Variants in EYS observed in about 807,000 individuals in gnomAD.
The protein encoded by EYS is EGF-like photoreceptor maintenance factor, also known as protein eyes shut homolog.
EYS carries 250 observed loss-of-function variants against 282.1 expected under a neutral mutation model. That is an observed-to-expected ratio of 0.89 (90% CI 0.80 to 0.98). The LOEUF (loss-of-function observed/expected upper bound fraction) is 0.98, where lower values mean the gene tolerates loss of function less well. EYS is among the 50% of genes least tolerant of loss of function. The pLI is 0.00. For synonymous variants in EYS, 1,355 were observed against 1,282.9 expected (o/e 1.06, Z -1.20); for missense variants, 4,016 against 3,709.0 (o/e 1.08, Z -2.15).
chr6:64,905,056 A>C (rs1232899181), intron 16 of EYS, among the ~76,000 whole-genome samples: 1 of 152,206 alleles, frequency 6.6e-6, no homozygotes, highest in African/African-American at 2.4e-5. Flanking sequence ...CATTTTGGTC[A>C]ATGACAGACC....
chr6:65,224,836 A>G (rs1384697307), intron 12 of EYS, among the ~76,000 whole-genome samples: 1 of 152,152 alleles, frequency 6.6e-6, no homozygotes, highest in East Asian at 1.9e-4. Flanking sequence ...AAATTCTTGA[A>G]AAAATACAAA....
intron 18 of EYS, among the ~76,000 whole-genome samples, chr6:64,894,346 A>G (rs965659856): frequency 6.6e-6 from 1 of 152,134 alleles, no homozygotes; most frequent in African/African-American, 2.4e-5. Flanking sequence ...TAGATGCAAA[A>G]TGAGCAAATA....
intron 14 of EYS, among the ~76,000 whole-genome samples, chr6:64,972,785 G>C (rs924293039): frequency 2.6e-5 from 4 of 151,934 alleles, no homozygotes; most frequent in African/African-American, 9.7e-5. Flanking sequence ...ACTATTTCAG[G>C]GGTTGGTGCC....
intron 41 of EYS, among the ~76,000 whole-genome samples, chr6:63,728,113 CAT>C (rs1296249300): frequency 1.3e-5 from 2 of 151,980 alleles, no homozygotes; most frequent in Admixed American, 6.6e-5. Context: ...TAAATTAATA[CAT>C]GTTTATTATA....
At chr6:64,094,275 AAGTTAAGGAGGAT>A (rs1351929342) in intron 31 of EYS, among the ~76,000 whole-genome samples, 1 of 151,634 alleles carries the variant, frequency 6.6e-6, no homozygotes, top group Non-Finnish European at 1.5e-5. Flanking sequence ...CTTATAAAAC[AAGTTAAGGAGGAT>A]TCCTTTTTTT....
intron 1 of EYS, among the ~76,000 whole-genome samples, chr6:65,668,608 T>G (rs1768277880): frequency 6.6e-6 from 1 of 151,878 alleles, no homozygotes; most frequent in Non-Finnish European, 1.5e-5. Flanking sequence ...AACCACTGTT[T>G]TACAGAGATT....
At chr6:65,272,886 G>C (rs957398204) in intron 12 of EYS, among the ~76,000 whole-genome samples, 3 of 152,138 alleles carry the variant, frequency 2.0e-5, no homozygotes, top group Non-Finnish European at 4.4e-5. Flanking sequence ...ATAAGATTAA[G>C]ATTAGGATGA....
chr6:64,248,937 T>C (rs1044956737), intron 30 of EYS, among the ~76,000 whole-genome samples: 1 of 151,496 alleles, frequency 6.6e-6, no homozygotes. Flanking sequence ...ATGGCTGTAG[T>C]CCCAGCTACT....
chr6:64,932,158 C>A (rs1435955316), intron 15 of EYS, among the ~76,000 whole-genome samples: 4 of 152,046 alleles, frequency 2.6e-5, no homozygotes, highest in Non-Finnish European at 5.9e-5. Flanking sequence ...CCCTCTCTCC[C>A]CAGCTCTTCA....
intron 29 of EYS, among the ~76,000 whole-genome samples, chr6:64,381,336 CTTTA>C (rs1327461694): frequency 6.6e-6 from 1 of 152,026 alleles, no homozygotes; most frequent in Non-Finnish European, 1.5e-5. Flanking sequence ...TTTTCTAGTC[CTTTA>C]TTTCTTTATC....
At chr6:63,764,740 C>A (rs1017068609) in intron 40 of EYS, among the ~76,000 whole-genome samples, 11 of 151,558 alleles carry the variant, frequency 7.3e-5, no homozygotes, top group African/African-American at 2.7e-4. Context: ...ATATAGATGC[C>A]AAAATCTTAT....
chr6:64,261,589 T>C (rs1015278976), intron 30 of EYS, among the ~76,000 whole-genome samples: 1 of 152,104 alleles, frequency 6.6e-6, no homozygotes, highest in Non-Finnish European at 1.5e-5. Context: ...ATGACCATGA[T>C]GTTCTCTTCT....
At chr6:65,140,096 C>T (rs1255180565) in intron 12 of EYS, among the ~76,000 whole-genome samples, 3 of 151,850 alleles carry the variant, frequency 2.0e-5, no homozygotes, top group African/African-American at 7.3e-5. Flanking sequence ...AAAGAATTTT[C>T]AAGCTGTCAT....
chr6:64,125,420 C>T (rs62415306), intron 31 of EYS, among the ~76,000 whole-genome samples: 1 of 150,478 alleles, frequency 6.6e-6, no homozygotes, highest in Non-Finnish European at 1.5e-5. Context: ...TTTTTTTAAC[C>T]AGGCTTTCTT....
At chr6:65,059,111 A>G (rs1295253571) in intron 12 of EYS, among the ~76,000 whole-genome samples, 1 of 152,142 alleles carries the variant, frequency 6.6e-6, no homozygotes, top group Admixed American at 6.6e-5. Flanking sequence ...TGAATATTAA[A>G]AAGAATTATG....
chr6:65,264,026 G>A (rs1353939458), intron 12 of EYS, among the ~76,000 whole-genome samples: 1 of 151,942 alleles, frequency 6.6e-6, no homozygotes, highest in East Asian at 1.9e-4. Context: ...AAAAGTAGAG[G>A]AGTTAGGCAA....
At chr6:64,340,664 G>T (rs1055639346) in intron 29 of EYS, among the ~76,000 whole-genome samples, 1 of 151,846 alleles carries the variant, frequency 6.6e-6, no homozygotes, top group African/African-American at 2.4e-5. Flanking sequence ...CCTTGGCAAA[G>T]AATTTATGGC....
rs913406163 is a variant in EYS at position 65,435,217 on chromosome 6, A to T, written c.863-29850T>A. On this transcript the variant is annotated intron_variant, in intron 5 of 42. Coordinates refer to ENST00000503581, the MANE Select transcript of EYS (RefSeq NM_001142800.2). Reference sequence around the variant, plus strand: ...TTTAAAATGTTACCTATATAATTAAATGTTGACCTTGTGGGACAGTAGATG... The same window carrying T: ...TTTAAAATGTTACCTATATAATTAATTGTTGACCTTGTGGGACAGTAGATG... Among the ~76,000 whole-genome samples the T allele has an allele frequency of 2.6e-5, 4 of 152,130 alleles. No individual in the cohort carries two copies. In the East Asian group the frequency reaches 7.7e-4, roughly 29 times the overall value.
intron 12 of EYS, among the ~76,000 whole-genome samples, chr6:65,213,673 C>T (rs841542): frequency 0.38 from 57,843 of 151,958 alleles, 11,927 homozygotes; most frequent in African/African-American, 0.54. Context: ...TTGTGTATGT[C>T]ATTACTGTTC....
Sources: gnomAD v4.1 joint callset for allele counts (sites outside exome capture counted in the v4.1 genomes callset) on GRCh38, gnomAD v4.1.1 for gene constraint, MANE v1.5 for transcripts, NCBI Gene and HGNC (gene_info 2026-07-23, HGNC 2026-07-21) for gene names.